Variants in CFAP299 observed in about 807,000 individuals in gnomAD.
The protein encoded by CFAP299 is cilia- and flagella-associated protein 299.
In CFAP299, 21 loss-of-function variants were observed where a neutral mutation model predicts 27.0. The ratio of observed to expected loss-of-function variants is 0.78; its 90% confidence interval spans 0.55 to 1.12. The LOEUF (loss-of-function observed/expected upper bound fraction) is 1.12, where lower values mean the gene tolerates loss of function less well. CFAP299 is among the 50% of genes most tolerant of loss of function. The pLI is 0.00. For missense variants in CFAP299, 310 were observed against 276.6 expected (o/e 1.12, Z -0.86); for synonymous variants, 104 against 98.1 (o/e 1.06, Z -0.36).
chr4:80,626,871 G>A (rs1257615078), intron 3 of CFAP299, among the ~76,000 whole-genome samples: 1 of 151,374 alleles, frequency 6.6e-6, no homozygotes, highest in South Asian at 2.1e-4. Context: ...TCAAAGAAGA[G>A]TCTGGGACAT....
chr4:80,411,968 T>G (rs1726741966), intron 2 of CFAP299, among the ~76,000 whole-genome samples: 1 of 152,100 alleles, frequency 6.6e-6, no homozygotes, highest in Admixed American at 6.5e-5. Context: ...CTCTGAAAGC[T>G]TTGCATGTGT....
chr4:80,682,569 T>C (rs1208911719), intron 3 of CFAP299, among the ~76,000 whole-genome samples: 3 of 48,004 alleles, frequency 6.2e-5, no homozygotes, highest in Non-Finnish European at 1.2e-4. Context: ...TTTACATGCA[T>C]ACCACATTTT....
intron 3 of CFAP299, among the ~76,000 whole-genome samples, chr4:80,711,771 T>C (rs1722188047): frequency 1.3e-5 from 2 of 152,192 alleles, no homozygotes; most frequent in South Asian, 2.1e-4. Context: ...TACCGTATTT[T>C]TGAATTATGC....
At chr4:80,323,139 T>C in the CFAP299 span, among the ~76,000 whole-genome samples, 2 of 152,196 alleles carry the variant, frequency 1.3e-5, no homozygotes, top group African/African-American at 4.8e-5. Flanking sequence ...AACACAAATG[T>C]CAGAAGCTGG....
chr4:80,573,724 C>T (rs945673874), intron 2 of CFAP299, among the ~76,000 whole-genome samples: 1 of 151,896 alleles, frequency 6.6e-6, no homozygotes, highest in African/African-American at 2.4e-5. Context: ...AACTCATTTC[C>T]CTAATATATA....
intron 2 of CFAP299, among the ~76,000 whole-genome samples, chr4:80,367,750 G>C (rs1254365986): frequency 6.6e-6 from 1 of 152,174 alleles, no homozygotes; most frequent in Non-Finnish European, 1.5e-5. Context: ...GTAGAGGTTG[G>C]AAGAAGGGAT....
rs149555055 is a variant in CFAP299 at position 80,793,099 on chromosome 4, ATGTGTGTG to A, written c.334-76872_334-76865del. On this transcript the variant is annotated intron_variant, in intron 3 of 5. Transcript: ENST00000358105. Reference sequence around the variant, plus strand: ...ATAGGATATTTATATCCTATTAGTTATGTGTGTGTGTGTGTGTGTGTGTGTGTGTATGG... The same window carrying A: ...ATAGGATATTTATATCCTATTAGTTATGTGTGTGTGTGTGTGTGTGTATGG... Among the ~76,000 whole-genome samples, 64 of 145,232 alleles carry A rather than the reference ATGTGTGTG, an allele frequency of 4.4e-4. 1 individual carries two copies. The highest frequency in any genetic ancestry group is 1.5e-3 in the African/African-American group (59 of 39,698).
intron 3 of CFAP299, among the ~76,000 whole-genome samples, chr4:80,866,890 A>G (rs189072856): frequency 1.3e-5 from 2 of 152,192 alleles, no homozygotes; most frequent in Non-Finnish European, 1.5e-5. Flanking sequence ...AAATGTATAT[A>G]ATTTTAGATT....
intron 4 of CFAP299, among the ~76,000 whole-genome samples, chr4:80,933,353 G>A (rs1240458007): frequency 6.6e-6 from 1 of 152,012 alleles, no homozygotes; most frequent in East Asian, 1.9e-4. Flanking sequence ...GCATCTATGA[G>A]TTTGGCTATT....
chr4:80,953,825 C>T (rs1737910705), intron 5 of CFAP299, among the ~76,000 whole-genome samples: 1 of 152,036 alleles, frequency 6.6e-6, no homozygotes, highest in Non-Finnish European at 1.5e-5. Context: ...GATAAGCCTC[C>T]ATCATCTGAG....
chr4:80,334,493 G>T (rs997207727), upstream of CFAP299, among the ~76,000 whole-genome samples: 4 of 152,092 alleles, frequency 2.6e-5, no homozygotes, highest in African/African-American at 9.7e-5. Flanking sequence ...GGCCAGTCTG[G>T]TCTTGAACTC....
chr4:80,827,933 C>T (rs1278052100), intron 3 of CFAP299, among the ~76,000 whole-genome samples: 2 of 151,826 alleles, frequency 1.3e-5, no homozygotes, highest in African/African-American at 4.8e-5. Flanking sequence ...GAAATTAAGA[C>T]AATAGTTTTG....
At chr4:80,936,405 C>T (rs893377574) in intron 4 of CFAP299, among the ~76,000 whole-genome samples, 1 of 151,950 alleles carries the variant, frequency 6.6e-6, no homozygotes, top group Non-Finnish European at 1.5e-5. Context: ...CAATAGTAAA[C>T]AAGATAAAGA....
upstream of CFAP299, among the ~76,000 whole-genome samples, chr4:80,331,211 G>T (rs1235777191): frequency 6.6e-6 from 1 of 152,118 alleles, no homozygotes; most frequent in African/African-American, 2.4e-5. Context: ...TTTCAAAACT[G>T]AAAAAAGTCT....
intron 4 of CFAP299, among the ~76,000 whole-genome samples, chr4:80,905,475 T>TA (rs1560471030): frequency 6.6e-6 from 1 of 152,100 alleles, no homozygotes; most frequent in Non-Finnish European, 1.5e-5. Context: ...ATATTTTTTT[T>TA]AAAAAAGACT....
At chr4:80,902,792 C>T (rs1734995296) in intron 4 of CFAP299, among the ~76,000 whole-genome samples, 1 of 151,524 alleles carries the variant, frequency 6.6e-6, no homozygotes, top group Non-Finnish European at 1.5e-5. Context: ...TATTTTTTAC[C>T]TCCAATTGGT....
upstream of CFAP299, among the ~76,000 whole-genome samples, chr4:80,334,466 C>T (rs563661768): frequency 3.9e-5 from 6 of 152,182 alleles, no homozygotes; most frequent in East Asian, 7.7e-4. Context: ...TTAGTAGAGA[C>T]GGAATTTCAC....
intron 2 of CFAP299, among the ~76,000 whole-genome samples, chr4:80,496,494 T>A (rs1477121440): frequency 6.6e-6 from 1 of 152,224 alleles, no homozygotes; most frequent in African/African-American, 2.4e-5. Flanking sequence ...CAGCCTGGCC[T>A]ACATTATCTA....
chr4:80,820,513 C>T (rs1729645137), intron 3 of CFAP299, among the ~76,000 whole-genome samples: 1 of 151,972 alleles, frequency 6.6e-6, no homozygotes, highest in African/African-American at 2.4e-5. Flanking sequence ...AGCAAGAAGG[C>T]CAGTGTTGCT....
Sources: allele counts gnomAD v4.1 joint callset (sites outside exome capture counted in the v4.1 genomes callset), GRCh38; gene constraint gnomAD v4.1.1; transcripts MANE v1.5; gene names NCBI Gene and HGNC (gene_info 2026-07-23, HGNC 2026-07-21).